SYNE2: variants seen among roughly 807,000 people sequenced by gnomAD.
SYNE2 encodes spectrin repeat containing nuclear envelope protein 2.
Under a neutral mutation model 856.3 loss-of-function variants are expected in SYNE2, and 431 were observed. The ratio of observed to expected loss-of-function variants is 0.50; its 90% CI spans 0.47 to 0.55. The LOEUF (loss-of-function observed/expected upper bound fraction) is 0.55, where lower values mean the gene tolerates loss of function less well. SYNE2 is among the 20% of genes least tolerant of loss of function. The pLI is 0.00. For missense variants in SYNE2, 8,129 were observed against 8,023.2 expected (o/e 1.01, Z -0.50); for synonymous variants, 2,923 against 2,872.3 (o/e 1.02, Z -0.56).
rs71444641 is a variant in SYNE2 at position 64,049,429 on chromosome 14, A to AAATAATAATAATAATAATAATAAT, written c.7378-175_7378-152dup. On this transcript the variant is annotated intron_variant, in intron 46 of 115. Coordinates refer to ENST00000555002, the MANE Select transcript of SYNE2 (RefSeq NM_182914.3). ...ACCCTGCACTCCAGCCTGGGTGACA[A>AAATAATAATAATAATAATAATAAT]AATAATAATAATAATAATAATAATA... The AAATAATAATAATAATAATAATAAT allele has an allele frequency of 6.5e-3, 1,095 of 169,674 alleles. 20 individuals carry two copies. Among genetic ancestry groups the AAATAATAATAATAATAATAATAAT allele is most frequent in the African/African-American group, 0.028 (1,065 of 38,680 alleles). The allele number at this position is 169,674 out of a possible 1,614,324, so 10.5% of individuals were successfully genotyped here. A position where few individuals can be genotyped will look rare whatever the true frequency, so the allele number is the denominator to read the frequency against.
chr14:64,092,877 C>G (rs1223545736), intron 60 of SYNE2, among the ~76,000 whole-genome samples: 1 of 152,164 alleles, frequency 6.6e-6, no homozygotes, highest in Non-Finnish European at 1.5e-5. Context: ...TGAGTCTGGA[C>G]CGGGAAAACC....
chr14:64,107,398 C>T (rs1248322305), intron 64 of SYNE2, 93 bp from the exon 65 acceptor site: 1 of 1,154,044 alleles, frequency 8.7e-7, no homozygotes, highest in Non-Finnish European at 1.3e-6. Flanking sequence ...TTTTTGCAAG[C>T]AGGTAGTTTG....
intron 1 of SYNE2, among the ~76,000 whole-genome samples, chr14:63,804,102 A>G (rs923380751): frequency 6.6e-6 from 1 of 152,196 alleles, no homozygotes; most frequent in African/African-American, 2.4e-5. Flanking sequence ...TGCTTCCTGT[A>G]CAGCCTGTGG....
In SYNE2 at chr14:64,007,162, A is replaced by G; in HGVS notation, c.4517A>G (p.Asn1506Ser). ...HFKDGREKTV[N>S]QQCQNTVVLW... ...AAAGATGGCAGAGAAAAAACCGTGA[A>G]TCAACAGTGCCAAAATACAGTAGTC... Residue 1506 changes from asparagine (N) to serine (S), a missense_variant, in exon 31 of 116, where the codon AAT (asparagine) becomes AGT (serine). Asn to Ser is a conservative substitution (Grantham distance 46). Coordinates refer to ENST00000555002, the MANE Select transcript of SYNE2 (RefSeq NM_182914.3). The G allele has an allele frequency of 6.2e-7, 1 of 1,614,200 alleles. No homozygotes were observed. Among genetic ancestry groups the G allele is most frequent in the Non-Finnish European group, 8.5e-7 (1 of 1,180,016 alleles).
intron 80 of SYNE2, among the ~76,000 whole-genome samples, chr14:64,140,399 A>G (rs988071161): frequency 2.6e-5 from 4 of 152,204 alleles, no homozygotes; most frequent in Non-Finnish European, 5.9e-5. Context: ...CCTGACAAAC[A>G]TGGAGAAACC....
At chr14:63,945,917 A>C (rs1292920156) in intron 6 of SYNE2, among the ~76,000 whole-genome samples, 1 of 152,136 alleles carries the variant, frequency 6.6e-6, no homozygotes, top group Non-Finnish European at 1.5e-5. Flanking sequence ...ATAAATCCTG[A>C]TTTCCATCCT....
chr14:64,040,003 C>A (rs2097135158), intron 45 of SYNE2, among the ~76,000 whole-genome samples: 1 of 152,160 alleles, frequency 6.6e-6, no homozygotes, highest in Non-Finnish European at 1.5e-5. Flanking sequence ...CCTAAATCAA[C>A]CCTATGTCTT....
At chr14:64,113,632 G>A (rs2097830392) in intron 66 of SYNE2, 61 bp downstream of exon 66, 10 of 1,500,434 alleles carry the variant, frequency 6.7e-6, no homozygotes. Context: ...CCAAGATTGG[G>A]TGAATTTCTC....
Position 64,210,114 on chromosome 14 carries a change from G to A in SYNE2, c.18713G>A (p.Arg6238Gln), listed in dbSNP as rs202049165. The A allele has an allele frequency of 2.2e-5, 36 of 1,613,508 alleles. No individual in the cohort carries two copies. The highest frequency in any genetic ancestry group is 5.3e-5 in the African/African-American group (4 of 75,028). Reference protein sequence around the residue: ...NLQRRVTAVLRRLRHFTNQRE... With the variant: ...NLQRRVTAVLQRLRHFTNQRE... Reference sequence around the variant, plus strand: ...CAGAGGCGGGTCACAGCCGTCCTGCGGAGACTCAGGGTGAGCTCCTCTGCA... The same window carrying A: ...CAGAGGCGGGTCACAGCCGTCCTGCAGAGACTCAGGGTGAGCTCCTCTGCA... The change falls in exon 103 of 116, where the codon CGG becomes CAG. Residue 6238 changes from arginine (R) to glutamine (Q), a missense_variant. This residue lies in a region of SYNE2 where 5,410 missense variants were observed against 5,284.8 expected (regional missense o/e 1.02). Transcript: ENST00000555002.
chr14:64,038,541 G>T (rs1289336623), intron 45 of SYNE2, among the ~76,000 whole-genome samples: 1 of 152,246 alleles, frequency 6.6e-6, no homozygotes, highest in African/African-American at 2.4e-5. Context: ...CTGCACTCCA[G>T]CCTGGGCACC....
intron 63 of SYNE2, among the ~76,000 whole-genome samples, chr14:64,101,618 C>T (rs1481258870): frequency 6.6e-6 from 1 of 152,064 alleles, no homozygotes; most frequent in Non-Finnish European, 1.5e-5. Flanking sequence ...TCAAAGATAC[C>T]ATTTAAGGTT....
intron 25 of SYNE2, among the ~76,000 whole-genome samples, chr14:63,997,669 A>G (rs1021937657): frequency 1.3e-5 from 2 of 152,158 alleles, no homozygotes; most frequent in African/African-American, 4.8e-5. Flanking sequence ...ATCTGTGTAT[A>G]TTGTTATTGA....
rs911176411 is a variant in SYNE2, at chr14:64,048,538, A to G, written c.7377+383A>G. 4 of 169,460 alleles carry G rather than the reference A, an allele frequency of 2.4e-5. 1 individual carries two copies. The South Asian group carries it at 4.5e-4, about 19-fold the overall frequency. The allele number at this position is 169,460 out of a possible 1,614,324, so 10.5% of individuals were successfully genotyped here. On this transcript the variant is annotated intron_variant, in intron 46 of 115. Transcript: ENST00000555002. ...CCTTTGTTTTTACATCTGTGTTTAC[A>G]TAGTTATGTTTATGTATTTATGTGC... is the stretch of plus-strand genomic sequence containing the variant.
intron 2 of SYNE2, among the ~76,000 whole-genome samples, chr14:63,911,274 C>T (rs1292979412): frequency 6.6e-6 from 1 of 152,178 alleles, no homozygotes; most frequent in African/African-American, 2.4e-5. Flanking sequence ...CTTTATCCAT[C>T]CCCAGGACGA....
chr14:63,981,264 A>G lies in SYNE2; in HGVS notation c.1836+91A>G, dbSNP rs1050171754. ...TTTCAATCCAAAGATGAGAAAACAG[A>G]GAAGAGTACACCAGTGTTTTGGAAA... On this transcript the variant is annotated intron_variant, in intron 16 of 115. Transcript: ENST00000555002. The G allele has an allele frequency of 9.2e-5, 106 of 1,149,472 alleles. No individual in the cohort carries two copies. The East Asian group carries it at 2.5e-3, about 27-fold the overall frequency. 71.2% of individuals were successfully genotyped at this position (1,149,472 alleles called of 1,614,324 possible). A position where few individuals can be genotyped will look rare whatever the true frequency, so the allele number is the denominator to read the frequency against.
chr14:64,074,063 T>C lies in SYNE2; in HGVS notation c.10793T>C (p.Phe3598Ser). ...FTKEIIALKN[F>S]FQQTTTSFQN... ...AAAGAGATAATTGCTTTGAAGAATTTCTTTCAACAGACCACAACTTCATTC... is the reference window on the plus strand; with the variant it reads ...AAAGAGATAATTGCTTTGAAGAATTCCTTTCAACAGACCACAACTTCATTC... The change falls in exon 53 of 116, where the codon TTC becomes TCC. Residue 3598 changes from phenylalanine to serine, a missense_variant. Transcript: ENST00000555002. 1.2e-6 allele frequency: 2 copies of C among 1,614,236 alleles called. No individual in the cohort carries two copies. The highest frequency in any genetic ancestry group is 1.7e-6 in the Non-Finnish European group (2 of 1,180,030).
intron 1 of SYNE2, among the ~76,000 whole-genome samples, chr14:63,784,920 TCTA>T (rs1887457484): frequency 6.6e-6 from 1 of 151,132 alleles, no homozygotes; most frequent in Non-Finnish European, 1.5e-5. Context: ...TGTGTGTACA[TCTA>T]CTAAATTCAG....
chr14:64,158,082 C>T (rs2098299978), intron 85 of SYNE2, among the ~76,000 whole-genome samples: 1 of 152,184 alleles, frequency 6.6e-6, no homozygotes, highest in Admixed American at 6.5e-5. Flanking sequence ...TCCTGCTTTG[C>T]ACTTGCCCAT....
intron 87 of SYNE2, 90 bp from the exon 88 acceptor site, chr14:64,161,982 T>C: frequency 7.1e-7 from 1 of 1,413,558 alleles, no homozygotes; most frequent in Non-Finnish European, 9.9e-7. Flanking sequence ...ATCCATCTGC[T>C]AGTAACTTAC....
Sources: gnomAD v4.1 joint callset for allele counts (sites outside exome capture counted in the v4.1 genomes callset) on GRCh38, gnomAD v4.1.1 for gene constraint, gnomAD v4.1.1 regional missense constraint, MANE v1.5 for transcripts, NCBI Gene and HGNC (gene_info 2026-07-23, HGNC 2026-07-21) for gene names.